Variants in SLC1A2 observed in about 807,000 individuals in gnomAD.
SLC1A2 encodes the protein solute carrier family 1 member 2.
In SLC1A2, 15 loss-of-function variants were observed where a neutral mutation model predicts 48.8. The ratio of observed to expected loss-of-function variants is 0.31; its 90% CI spans 0.21 to 0.47. The LOEUF (loss-of-function observed/expected upper bound fraction) is 0.47. Among genes scored for constraint, SLC1A2 ranks in the 20% least tolerant of loss-of-function variants. SLC1A2 has a pLI of 0.99. For synonymous variants in SLC1A2, 279 were observed against 272.6 expected (o/e 1.02, Z -0.23); for missense variants, 502 against 730.5 (o/e 0.69, Z 3.61).
Position 35,376,125 on chromosome 11 carries a change from A to G in SLC1A2, c.17+42825T>C, listed in dbSNP as rs530121870. Among the ~76,000 whole-genome samples the G allele has an allele frequency of 2.0e-5, 3 of 152,280 alleles. No individual in the cohort carries two copies. In the South Asian group the frequency reaches 6.2e-4, roughly 32 times the overall value. Reference sequence around the variant, plus strand: ...TTGGCCTAAACAGTAAAGTATGTTTAGTGCAGTCAATTAAAAGCTAGAAAT... The same window carrying G: ...TTGGCCTAAACAGTAAAGTATGTTTGGTGCAGTCAATTAAAAGCTAGAAAT... On this transcript the variant is annotated intron_variant, in intron 1 of 10. Transcript: ENST00000278379.
upstream of SLC1A2, chr11:35,419,972 G>A (rs1204949414): frequency 4.3e-6 from 2 of 468,918 alleles, no homozygotes; most frequent in Non-Finnish European, 8.8e-6. This position sits in a 1 kb window ranked among gnomAD's most constrained non-coding sequence, Gnocchi z 5.4. Flanking sequence ...AGGTCCAGCG[G>A]AGTCGAGCGG....
intron 1 of SLC1A2, among the ~76,000 whole-genome samples, chr11:35,378,339 TC>T (rs1854307634): frequency 1.3e-5 from 2 of 152,242 alleles, no homozygotes; most frequent in African/African-American, 4.8e-5. Flanking sequence ...GGGCCCTGCC[TC>T]CTGGGAAGAC....
intron 1 of SLC1A2, among the ~76,000 whole-genome samples, chr11:35,349,643 T>A (rs1368024052): frequency 6.6e-6 from 1 of 152,210 alleles, no homozygotes; most frequent in Non-Finnish European, 1.5e-5. Flanking sequence ...ATATCAAAGA[T>A]AAGTATCTAA....
chr11:35,405,418 A>ATT (rs60103066), intron 1 of SLC1A2, among the ~76,000 whole-genome samples: 4 of 146,208 alleles, frequency 2.7e-5, no homozygotes, highest in African/African-American at 1.0e-4. Flanking sequence ...CAAGCCCTGG[A>ATT]TTTTTTTTTT....
intron 1 of SLC1A2, among the ~76,000 whole-genome samples, chr11:35,362,430 T>C (rs529384573): frequency 5.3e-5 from 8 of 152,300 alleles, no homozygotes; most frequent in African/African-American, 1.9e-4. Context: ...GTGGACATCT[T>C]TTGGAGCACC....
At chr11:35,308,362 G>C (rs750801656) in intron 4 of SLC1A2, among the ~76,000 whole-genome samples, 3 of 152,210 alleles carry the variant, frequency 2.0e-5, no homozygotes, top group Non-Finnish European at 4.4e-5. Context: ...CGCAGGCCGA[G>C]TTCTCTGCCT....
Position 35,276,097 on chromosome 11 carries a change from C to T in SLC1A2, c.1421+4770G>A, listed in dbSNP as rs150124104. Among the ~76,000 whole-genome samples, 4 of 152,300 alleles carry T rather than the reference C, an allele frequency of 2.6e-5. No homozygotes were observed. In the East Asian group the frequency reaches 7.7e-4, roughly 29 times the overall value. ...TGCTTATTTGTATACAAACATTCAT[C>T]CCCAGCAGAATTCTACTCTAGGTCT... On this transcript the variant is annotated intron_variant, in intron 9 of 10. Coordinates refer to ENST00000278379, the MANE Select transcript of SLC1A2 (RefSeq NM_004171.4).
chr11:35,399,542 G>C, intron 1 of SLC1A2: 1 of 916,110 alleles, frequency 1.1e-6, no homozygotes, highest in Non-Finnish European at 1.3e-6. Context: ...GGTGGGTCTT[G>C]AGACAAGATA....
intron 1 of SLC1A2, among the ~76,000 whole-genome samples, chr11:35,365,034 A>G (rs1202934976): frequency 6.6e-6 from 1 of 152,232 alleles, no homozygotes; most frequent in African/African-American, 2.4e-5. Context: ...CAAGAGAGAA[A>G]ACCTTATGAT....
At chr11:35,411,493 TGC>T (rs1855459634) in intron 1 of SLC1A2, among the ~76,000 whole-genome samples, 1 of 152,168 alleles carries the variant, frequency 6.6e-6, no homozygotes, top group Non-Finnish European at 1.5e-5. Context: ...CAGGTTGGAG[TGC>T]AGTGGTTATT....
intron 1 of SLC1A2, among the ~76,000 whole-genome samples, chr11:35,407,666 T>C (rs886963958): frequency 6.6e-6 from 1 of 152,226 alleles, no homozygotes; most frequent in East Asian, 1.9e-4. Flanking sequence ...GCCTTGAAAT[T>C]GACTAATCCA....
chr11:35,281,559 C>T (rs550718311), intron 8 of SLC1A2, among the ~76,000 whole-genome samples: 5 of 152,146 alleles, frequency 3.3e-5, no homozygotes, highest in Non-Finnish European at 5.9e-5. Context: ...AAGCGTCAGG[C>T]GCCTGGATGC....
At chr11:35,287,811 C>A (rs1184011755) in intron 7 of SLC1A2, among the ~76,000 whole-genome samples, 1 of 152,108 alleles carries the variant, frequency 6.6e-6, no homozygotes, top group Non-Finnish European at 1.5e-5. Flanking sequence ...GATAGAAGTG[C>A]CTGGGAGGGT....
At chr11:35,275,947 T>C (rs1450013280) in intron 9 of SLC1A2, among the ~76,000 whole-genome samples, 1 of 152,184 alleles carries the variant, frequency 6.6e-6, no homozygotes, top group Non-Finnish European at 1.5e-5. Flanking sequence ...CTCCTCTTGC[T>C]GGTGAGAAAG....
chr11:35,366,197 C>G (rs761594001), intron 1 of SLC1A2, among the ~76,000 whole-genome samples: 1 of 152,186 alleles, frequency 6.6e-6, no homozygotes, highest in Non-Finnish European at 1.5e-5. Flanking sequence ...GATTACACTT[C>G]TCTATCCCTG....
intron 1 of SLC1A2, among the ~76,000 whole-genome samples, chr11:35,340,699 C>A (rs1852806177): frequency 6.6e-6 from 1 of 152,144 alleles, no homozygotes; most frequent in Non-Finnish European, 1.5e-5. Context: ...GCCTGGTTCC[C>A]CCCTCCCCTT....
intron 1 of SLC1A2, among the ~76,000 whole-genome samples, chr11:35,396,746 C>T (rs1221814938): frequency 1.3e-5 from 2 of 152,090 alleles, no homozygotes; most frequent in African/African-American, 4.8e-5. Context: ...ACATGAAGTC[C>T]TTGCCCATGC....
intron 5 of SLC1A2, among the ~76,000 whole-genome samples, chr11:35,303,673 C>G (rs916367872): frequency 6.6e-6 from 1 of 152,142 alleles, no homozygotes; most frequent in African/African-American, 2.4e-5. Flanking sequence ...AAAAAAAGCT[C>G]CATTCAGTGT....
chr11:35,308,458 C>G (rs1295237760), intron 4 of SLC1A2, among the ~76,000 whole-genome samples: 1 of 152,154 alleles, frequency 6.6e-6, no homozygotes, highest in Non-Finnish European at 1.5e-5. Context: ...CGACAGAATA[C>G]CTAAGACTGG....
Sources: gnomAD v4.1 joint callset for allele counts (sites outside exome capture counted in the v4.1 genomes callset) on GRCh38, gnomAD v4.1.1 for gene constraint, Gnocchi (gnomAD v3.1) non-coding constraint, MANE v1.5 for transcripts, NCBI Gene and HGNC (gene_info 2026-07-23, HGNC 2026-07-21) for gene names.